Variants in PARD3 observed in about 807,000 individuals in gnomAD.
The protein encoded by PARD3 is par-3 family cell polarity regulator.
In PARD3, 75 loss-of-function variants were observed where a neutral mutation model predicts 155.4. The ratio of observed to expected loss-of-function variants is 0.48; its 90% CI spans 0.40 to 0.58. PARD3 has a LOEUF of 0.58. Among genes scored for constraint, PARD3 ranks in the 20% least tolerant of loss-of-function variants. The probability of loss-of-function intolerance (pLI) is 0.00; values close to 1 mark genes in which losing one functional copy is unlikely to be tolerated. For missense variants in PARD3, 1,642 were observed against 1,721.7 expected, an observed-to-expected ratio of 0.95 and a Z score of 0.82; for synonymous variants, 576 against 610.5, an observed-to-expected ratio of 0.94 and a Z score of 0.83.
At chr10:34,157,825 T>C (rs1333584215) in intron 22 of PARD3, among the ~76,000 whole-genome samples, 2 of 152,196 alleles carry the variant, frequency 1.3e-5, no homozygotes. Context: ...AATACTGTTA[T>C]GGAAAGAGAT....
chr10:34,312,345 T>A (rs768548210), intron 20 of PARD3: 1 of 1,612,390 alleles, frequency 6.2e-7, no homozygotes, highest in Non-Finnish European at 8.5e-7. Flanking sequence ...TTGAATCGCT[T>A]TGTTGTTCAT....
Position 34,322,665 on chromosome 10 carries a change from C to T in PARD3, c.2834-5327G>A, listed in dbSNP as rs563350285. On this transcript the variant is annotated intron_variant, in intron 19 of 24. Transcript: ENST00000374788. Reference sequence around the variant, plus strand: ...TGGGTATAAATAGAGATATACAAAACGAAAATATCATAGTATTACTTTGTA... The same window carrying T: ...TGGGTATAAATAGAGATATACAAAATGAAAATATCATAGTATTACTTTGTA... Among the ~76,000 whole-genome samples, 56 of 151,946 alleles carry T rather than the reference C, an allele frequency of 3.7e-4. No individual in the cohort carries two copies. The South Asian group carries it at 9.4e-3, about 25-fold the overall frequency.
intron 1 of PARD3, among the ~76,000 whole-genome samples, chr10:34,809,463 G>A (rs1419635740): frequency 1.3e-5 from 2 of 152,212 alleles, no homozygotes; most frequent in Non-Finnish European, 2.9e-5. Context: ...CAGGGAGAAA[G>A]ATCCTCTAGC....
intron 2 of PARD3, among the ~76,000 whole-genome samples, chr10:34,547,021 ACTTT>A (rs2084132461): frequency 6.6e-6 from 1 of 152,220 alleles, no homozygotes; most frequent in African/African-American, 2.4e-5. Context: ...TTTTTTATAA[ACTTT>A]AGTTTCTCAA....
At chr10:34,136,151 A>G (rs1215209446) in intron 22 of PARD3, among the ~76,000 whole-genome samples, 11 of 152,290 alleles carry the variant, frequency 7.2e-5, no homozygotes, top group Non-Finnish European at 5.9e-5. Context: ...ATTTACTTTC[A>G]TTGCACCAAA....
In PARD3 at chr10:34,317,103, T is replaced by C. The variant is rs1222485387; in HGVS notation, c.3065+4A>G. On this transcript the variant is annotated splice_donor_region_variant and intron_variant, in intron 20 of 24. Transcript: ENST00000374788. The stretch of plus-strand genomic sequence containing the variant: ...GATTCTGGTTTGGGATGGTAACGAC[T>C]TACCTGAACATGTCTCCCAAGCCCT... The C allele has an allele frequency of 3.2e-6, 5 of 1,547,010 alleles. No individual in the cohort carries two copies. The Admixed American group carries it at 8.0e-5, about 25-fold the overall frequency.
intron 1 of PARD3, among the ~76,000 whole-genome samples, chr10:34,713,817 G>A (rs2094479946): frequency 6.6e-6 from 1 of 151,934 alleles, no homozygotes; most frequent in African/African-American, 2.4e-5. Flanking sequence ...ATAAAATAGG[G>A]TCACGGACAT....
At chr10:34,586,864 G>A (rs1161706908) in intron 2 of PARD3, among the ~76,000 whole-genome samples, 3 of 152,086 alleles carry the variant, frequency 2.0e-5, no homozygotes, top group African/African-American at 4.8e-5. Context: ...CAGGAGAATC[G>A]CTTGAACCCA....
intron 2 of PARD3, among the ~76,000 whole-genome samples, chr10:34,629,975 T>C (rs767154577): frequency 3.3e-5 from 5 of 152,166 alleles, no homozygotes; most frequent in Admixed American, 6.5e-5. Flanking sequence ...AAAGAATACA[T>C]GCAGCTGTCC....
At chr10:34,765,282 T>C (rs923688578) in intron 1 of PARD3, among the ~76,000 whole-genome samples, 3 of 152,150 alleles carry the variant, frequency 2.0e-5, no homozygotes, top group East Asian at 1.9e-4. Context: ...TCCATACTAT[T>C]TGTGTCCCAG....
At chr10:34,353,053 G>A (rs1359710961) in intron 14 of PARD3, among the ~76,000 whole-genome samples, 2 of 151,984 alleles carry the variant, frequency 1.3e-5, no homozygotes, top group Non-Finnish European at 2.9e-5. Flanking sequence ...GAGAAGTGAG[G>A]AGCCCCTCCG....
chr10:34,413,437 C>T (rs1845324237), intron 5 of PARD3, among the ~76,000 whole-genome samples: 1 of 109,016 alleles, frequency 9.2e-6, no homozygotes, highest in African/African-American at 3.8e-5. Context: ...ATTTCAAGGG[C>T]CAGCTCTACC....
At chr10:34,724,939 AGC>A (rs2094674447) in intron 1 of PARD3, among the ~76,000 whole-genome samples, 2 of 152,260 alleles carry the variant, frequency 1.3e-5, no homozygotes, top group East Asian at 1.9e-4. Flanking sequence ...AGGAAGCATC[AGC>A]TCATTCAGTA....
intron 2 of PARD3, among the ~76,000 whole-genome samples, chr10:34,551,015 A>C (rs1426476501): frequency 6.6e-6 from 1 of 152,304 alleles, no homozygotes; most frequent in African/African-American, 2.4e-5. Flanking sequence ...ATATTCACCC[A>C]GCTCTCCTGA....
intron 1 of PARD3, among the ~76,000 whole-genome samples, chr10:34,809,982 C>T (rs1843908198): frequency 6.6e-6 from 1 of 151,280 alleles, no homozygotes; most frequent in East Asian, 1.9e-4. Context: ...AAATTCCATA[C>T]CAACCACAAG....
chr10:34,642,556 C>T (rs1486001594), intron 2 of PARD3, among the ~76,000 whole-genome samples: 3 of 152,082 alleles, frequency 2.0e-5, no homozygotes, highest in South Asian at 4.2e-4. Context: ...AGTTTGATTA[C>T]CTGCACAAAC....
chr10:34,532,901 G>A (rs972600400), intron 2 of PARD3, among the ~76,000 whole-genome samples: 3 of 152,056 alleles, frequency 2.0e-5, no homozygotes, highest in African/African-American at 7.2e-5. Context: ...TTTCATTGTT[G>A]TGTGAACATC....
chr10:34,776,158 T>C lies in PARD3; in HGVS notation c.120+38718A>G, dbSNP rs538516318. Among the ~76,000 whole-genome samples, 14 of 152,256 alleles carry C rather than the reference T, an allele frequency of 9.2e-5. No individual in the cohort carries two copies. The South Asian group carries it at 2.1e-3, about 23-fold the overall frequency. On this transcript the variant is annotated intron_variant, in intron 1 of 24. Coordinates refer to ENST00000374788, the MANE Select transcript of PARD3 (RefSeq NM_001184785.2). ...ATCCATAACTCTGACCAAAAAAGAA[T>C]TGATCAGTTAGGCAGCCAAGAACCC...
At chr10:34,172,618 T>G (rs979673307) in intron 22 of PARD3, among the ~76,000 whole-genome samples, 7 of 151,964 alleles carry the variant, frequency 4.6e-5, no homozygotes, top group African/African-American at 1.7e-4. Flanking sequence ...ACCTTTTGAG[T>G]AGCAAGGACT....
Sources: allele counts gnomAD v4.1 joint callset (sites outside exome capture counted in the v4.1 genomes callset), GRCh38; gene constraint gnomAD v4.1.1; transcripts MANE v1.5; gene names NCBI Gene and HGNC (gene_info 2026-07-23, HGNC 2026-07-21).